Variants in NELL1 observed in about 807,000 individuals in gnomAD.
The protein encoded by NELL1 is neural EGFL like 1, also known as protein kinase C-binding protein NELL1.
A neutral mutation model predicts 107.4 loss-of-function variants in NELL1; 76 were observed. The observed-to-expected ratio is 0.71, with a 90% CI of 0.59 to 0.86. The LOEUF (loss-of-function observed/expected upper bound fraction) is 0.86. NELL1 is among the 40% of genes least tolerant of loss of function. The pLI is 0.00. For synonymous variants in NELL1, 353 were observed against 341.2 expected (o/e 1.03, Z -0.38); for missense variants, 1,024 against 1,005.5 (o/e 1.02, Z -0.25).
chr11:20,852,032 T>C (rs1442380210), intron 4 of NELL1, among the ~76,000 whole-genome samples: 3 of 152,358 alleles, frequency 2.0e-5, no homozygotes, highest in East Asian at 3.9e-4. Flanking sequence ...TGGCTTTTAA[T>C]TCACCCAGCC....
At position 20,813,201 on chromosome 11, in the gene NELL1, A is replaced by G. The variant is rs571080943; in HGVS notation, c.335+29371A>G. Among the ~76,000 whole-genome samples, 41 of 152,250 alleles carry G rather than the reference A, an allele frequency of 2.7e-4. 1 individual carries two copies. In the South Asian group the frequency reaches 4.8e-3, roughly 18 times the overall value. On this transcript the variant is annotated intron_variant, in intron 3 of 19. Transcript: ENST00000357134. ...ATTTTTCTTATGACCATGGGTGACC[A>G]TATTTTCTAAAGTCAGAGTCTGGGG... is the stretch of plus-strand genomic sequence containing the variant.
chr11:20,987,445 G>C (rs1323859564), intron 12 of NELL1, among the ~76,000 whole-genome samples: 1 of 152,162 alleles, frequency 6.6e-6, no homozygotes, highest in Non-Finnish European at 1.5e-5. Flanking sequence ...TCATAGTTCT[G>C]CACGGCTGGG....
chr11:21,540,672 C>A (rs1856270486), intron 16 of NELL1, among the ~76,000 whole-genome samples: 1 of 151,980 alleles, frequency 6.6e-6, no homozygotes, highest in Admixed American at 6.6e-5. Flanking sequence ...GGGGGAGGTA[C>A]TATGTACTTT....
chr11:20,669,611 C>T lies in NELL1; in HGVS notation c.-113C>T. 2 of 900,602 alleles carry T rather than the reference C, an allele frequency of 2.2e-6. No homozygotes were observed. Among genetic ancestry groups the T allele is most frequent in the Middle Eastern group, 2.3e-4 (1 of 4,426 alleles). 55.8% of individuals were successfully genotyped at this position (900,602 alleles called of 1,614,324 possible). ...ACCCGGCGCTGCCGAGCCACCTCCC[C>T]CGCCGCCCGCTAGCAAGTTTGGCGG... On this transcript the variant is annotated 5_prime_UTR_variant, in exon 1 of 20. Coordinates refer to ENST00000357134, the MANE Select transcript of NELL1 (RefSeq NM_006157.5). The surrounding 1 kb of genome is among the most constrained non-coding windows in gnomAD (Gnocchi z 4.4).
At chr11:21,386,015 A>G (rs187722377) in intron 15 of NELL1, among the ~76,000 whole-genome samples, 1 of 151,940 alleles carries the variant, frequency 6.6e-6, no homozygotes, top group Admixed American at 6.6e-5. Flanking sequence ...CTTGCTCAAG[A>G]TTAGGTTCCC....
At chr11:21,500,980 T>C (rs1178612568) in intron 15 of NELL1, among the ~76,000 whole-genome samples, 1 of 152,136 alleles carries the variant, frequency 6.6e-6, no homozygotes, top group Non-Finnish European at 1.5e-5. Context: ...GGTATTTTAC[T>C]GATTGTAGGG....
intron 14 of NELL1, among the ~76,000 whole-genome samples, chr11:21,338,162 A>C (rs1028212756): frequency 6.6e-5 from 10 of 152,128 alleles, no homozygotes; most frequent in Non-Finnish European, 1.5e-4. Flanking sequence ...ATGCAATGTA[A>C]AAATAAAATG....
chr11:20,787,905 C>T (rs1379026604), intron 3 of NELL1, among the ~76,000 whole-genome samples: 1 of 152,202 alleles, frequency 6.6e-6, no homozygotes, highest in Non-Finnish European at 1.5e-5. Context: ...AATCTACTTT[C>T]TGTCTCTGTA....
intron 2 of NELL1, among the ~76,000 whole-genome samples, chr11:20,706,671 CAAAAT>C (rs1289982301): frequency 1.3e-5 from 2 of 151,140 alleles, no homozygotes; most frequent in African/African-American, 2.4e-5. Flanking sequence ...ATAATAATAA[CAAAAT>C]AAAAAAAAAA....
At chr11:21,547,783 C>T (rs1245406247) in intron 16 of NELL1, among the ~76,000 whole-genome samples, 1 of 151,870 alleles carries the variant, frequency 6.6e-6, no homozygotes, top group East Asian at 2.0e-4. Context: ...CTAAAATTCT[C>T]ATAATGAACC....
intron 12 of NELL1, among the ~76,000 whole-genome samples, chr11:21,107,164 G>A (rs1400379): frequency 0.085 from 12,919 of 152,062 alleles, 719 homozygotes; most frequent in Non-Finnish European, 0.11. Context: ...CACAAAGTCC[G>A]TAATATACAT....
At chr11:21,534,350 G>A (rs900793394) in intron 15 of NELL1, 24 bp from the exon 16 acceptor site, 4 of 1,613,440 alleles carry the variant, frequency 2.5e-6, no homozygotes, top group Non-Finnish European at 3.4e-6. Flanking sequence ...TATCCTGGTG[G>A]GCTTGTGTTT....
intron 3 of NELL1, among the ~76,000 whole-genome samples, chr11:20,792,194 C>A (rs947513027): frequency 6.6e-6 from 1 of 151,932 alleles, no homozygotes; most frequent in Non-Finnish European, 1.5e-5. Context: ...ACGTGCCAAA[C>A]ATTAATTTTT....
chr11:20,771,222 A>G (rs1250184059), intron 2 of NELL1, among the ~76,000 whole-genome samples: 1 of 152,002 alleles, frequency 6.6e-6, no homozygotes, highest in Non-Finnish European at 1.5e-5. Context: ...CCTACTTCTC[A>G]TTAATTCCTT....
chr11:21,313,504 GT>G (rs1318568308), intron 14 of NELL1, among the ~76,000 whole-genome samples: 1 of 152,084 alleles, frequency 6.6e-6, no homozygotes, highest in Admixed American at 6.6e-5. Context: ...GCTTTCCAAG[GT>G]TTAAATCCCC....
rs540811229 is a variant in NELL1 at position 21,531,541 on chromosome 11, CTT to C, written c.1646-2832_1646-2831del. Among the ~76,000 whole-genome samples the C allele has an allele frequency of 2.9e-4, 44 of 152,272 alleles. No homozygotes were observed. The South Asian group carries it at 6.6e-3, about 23-fold the overall frequency. On this transcript the variant is annotated intron_variant, in intron 15 of 19. Coordinates refer to ENST00000357134, the MANE Select transcript of NELL1 (RefSeq NM_006157.5). ...CTCACTCAACAATCCCCCAGCTTCTCTTGTTTCCTTGTTCACATTTTCAGCTC... is the reference window on the plus strand; with the variant it reads ...CTCACTCAACAATCCCCCAGCTTCTCGTTTCCTTGTTCACATTTTCAGCTC...
chr11:21,173,310 C>G (rs950776104), intron 13 of NELL1, among the ~76,000 whole-genome samples: 7 of 151,772 alleles, frequency 4.6e-5, no homozygotes, highest in Admixed American at 1.3e-4. Context: ...GACTCTGGCA[C>G]ATTTTCTGGC....
chr11:21,245,175 C>G (rs1021222473), intron 14 of NELL1, among the ~76,000 whole-genome samples: 10 of 152,116 alleles, frequency 6.6e-5, no homozygotes, highest in Admixed American at 5.9e-4. Context: ...CCACACAAAA[C>G]CTGTATTTTA....
chr11:21,374,061 A>G (rs754834535), intron 15 of NELL1, among the ~76,000 whole-genome samples: 6 of 152,096 alleles, frequency 3.9e-5, no homozygotes, highest in Middle Eastern at 3.2e-3. Context: ...GAATTTTCAC[A>G]TGTAAAATCA....
Sources: allele counts gnomAD v4.1 joint callset (sites outside exome capture counted in the v4.1 genomes callset), GRCh38; gene constraint gnomAD v4.1.1; non-coding constraint Gnocchi (gnomAD v3.1); transcripts MANE v1.5; gene names NCBI Gene and HGNC (gene_info 2026-07-23, HGNC 2026-07-21).